Variants in KIF3B observed in about 807,000 individuals in gnomAD.
KIF3B encodes the protein kinesin-like protein KIF3B.
Under a neutral mutation model 74.3 loss-of-function variants are expected in KIF3B, and 38 were observed. That is an observed-to-expected ratio of 0.51 (90% CI 0.39 to 0.67). The LOEUF is 0.67. Among genes scored for constraint, KIF3B ranks in the 30% least tolerant of loss-of-function variants. The pLI is 0.00. For synonymous variants in KIF3B, 326 were observed against 342.5 expected (o/e 0.95, Z 0.53); for missense variants, 649 against 932.0 (o/e 0.70, Z 3.95).
intron 2 of KIF3B, among the ~76,000 whole-genome samples, chr20:32,312,338 C>T (rs989855679): frequency 8.6e-5 from 13 of 151,908 alleles, no homozygotes; most frequent in South Asian, 8.3e-4. Flanking sequence ...CTCCTGGGCT[C>T]GAATGATTCT....
rs1297714119 is a variant in KIF3B, at chr20:32,332,954, C to T, written c.*1635C>T. ...TCAGGAAGGTGGCGACTCAGGTGGG[C>T]CTTGAGTTATATTTTAACTCAGCTG... On this transcript the variant is annotated 3_prime_UTR_variant, in exon 9 of 9. Coordinates refer to ENST00000375712, the MANE Select transcript of KIF3B (RefSeq NM_004798.4). 3.0e-4 allele frequency: 46 copies of T among 152,526 alleles called. No homozygotes were observed. Among genetic ancestry groups the T allele is most frequent in the Non-Finnish European group, 2.9e-5 (2 of 68,020 alleles). 9.4% of individuals were successfully genotyped at this position (152,526 alleles called of 1,614,324 possible).
intron 5 of KIF3B, among the ~76,000 whole-genome samples, chr20:32,318,257 A>G (rs146293151): frequency 0.027 from 4,101 of 151,918 alleles, 184 homozygotes; most frequent in African/African-American, 0.094. Context: ...AGCTGAGATC[A>G]CACCACTTTA....
chr20:32,314,379 A>G (rs1425951108), intron 2 of KIF3B, among the ~76,000 whole-genome samples: 7 of 152,080 alleles, frequency 4.6e-5, no homozygotes, highest in Admixed American at 6.5e-5. Flanking sequence ...GTCTCTACTA[A>G]GAATACAAAA....
At position 32,327,487 on chromosome 20, in the gene KIF3B, G is replaced by A. The variant is rs2047909627; in HGVS notation, c.1863-69G>A. On this transcript the variant is annotated intron_variant, in intron 6 of 8. Coordinates refer to ENST00000375712, the MANE Select transcript of KIF3B (RefSeq NM_004798.4). The stretch of plus-strand genomic sequence containing the variant: ...CAGGGAGTTACTTGCTTCAGGTTCT[G>A]TCAGTGTCTTCCGAGTGCTGGTTCC... The A allele has an allele frequency of 3.9e-6, 5 of 1,287,290 alleles. No homozygotes were observed. In the South Asian group the frequency reaches 6.0e-5, roughly 15 times the overall value. The allele number at this position is 1,287,290 out of a possible 1,614,324, so 79.7% of individuals were successfully genotyped here.
rs534155657 is a variant in KIF3B at position 32,310,734 on chromosome 20, T to C, written c.957T>C (p.Pro319=). The C allele has an allele frequency of 5.0e-6, 8 of 1,614,154 alleles. No individual in the cohort carries two copies. In the East Asian group the frequency reaches 1.6e-4, roughly 31 times the overall value. Residue 319 remains proline, a synonymous_variant, in exon 2 of 9, where the codon CCT becomes CCC. Transcript: ENST00000375712. The surrounding 1 kb of genome is among the most constrained non-coding windows in gnomAD (Gnocchi z 6.5). ...CTGTGATGGTGGCCAACGTGGGGCC[T>C]GCCTCTTACAACGTAGAAGAGACTC... ...AKTVMVANVG[P]ASYNVEETLT...
intron 1 of KIF3B, among the ~76,000 whole-genome samples, chr20:32,299,403 A>ATATTTTTTT (rs1555895046): frequency 1.1e-4 from 1 of 9,026 alleles, no homozygotes; most frequent in African/African-American, 6.1e-4. Context: ...ATATATATAT[A>ATATTTTTTT]TTTTTTTTTT....
At chr20:32,288,786 T>C (rs890931814) in intron 1 of KIF3B, among the ~76,000 whole-genome samples, 3 of 151,888 alleles carry the variant, frequency 2.0e-5, no homozygotes, top group African/African-American at 7.3e-5. Flanking sequence ...TGATGTGCAC[T>C]GTATGAACTG....
chr20:32,304,266 T>C (rs1332986947), intron 1 of KIF3B, among the ~76,000 whole-genome samples: 2 of 152,190 alleles, frequency 1.3e-5, no homozygotes, highest in Non-Finnish European at 1.5e-5. Context: ...GTTGATGCTG[T>C]CTATTTATTA....
At chr20:32,326,148 A>G (rs1235367106) in intron 5 of KIF3B, among the ~76,000 whole-genome samples, 1 of 152,068 alleles carries the variant, frequency 6.6e-6, no homozygotes, top group Non-Finnish European at 1.5e-5. Flanking sequence ...CACCATAGAG[A>G]GACACCACCA....
chr20:32,295,540 G>A (rs1254649120), intron 1 of KIF3B, among the ~76,000 whole-genome samples: 2 of 152,002 alleles, frequency 1.3e-5, no homozygotes, highest in African/African-American at 2.4e-5. Context: ...TGATCCACCC[G>A]CCTCAGCCTC....
intron 1 of KIF3B, among the ~76,000 whole-genome samples, chr20:32,278,606 G>C (rs979035067): frequency 6.6e-6 from 1 of 152,132 alleles, no homozygotes; most frequent in African/African-American, 2.4e-5. Flanking sequence ...CTCAGAGCAA[G>C]GGAGGTACTT....
chr20:32,318,507 C>G (rs773485480), intron 5 of KIF3B, among the ~76,000 whole-genome samples: 5 of 152,144 alleles, frequency 3.3e-5, no homozygotes, highest in Non-Finnish European at 5.9e-5. Flanking sequence ...TGCTTCCTGT[C>G]TCTATGGCTT....
At position 32,334,341 on chromosome 20, in the gene KIF3B, A is replaced by G. The variant is rs1274344263; in HGVS notation, c.*3022A>G. On this transcript the variant is annotated 3_prime_UTR_variant, in exon 9 of 9. Coordinates refer to ENST00000375712, the MANE Select transcript of KIF3B (RefSeq NM_004798.4). ...GGATTATTTCCCGTCCAATGCCTGC[A>G]TGCTGCTTGAATTGCTCCACCCACA... is the stretch of plus-strand genomic sequence containing the variant. The G allele has an allele frequency of 6.5e-6, 1 of 152,744 alleles. No individual in the cohort carries two copies. The highest frequency in any genetic ancestry group is 3.4e-3 in the Middle Eastern group (1 of 294). 9.5% of individuals were successfully genotyped at this position (152,744 alleles called of 1,614,324 possible).
chr20:32,281,666 G>A (rs1055020009), intron 1 of KIF3B, among the ~76,000 whole-genome samples: 11 of 152,236 alleles, frequency 7.2e-5, no homozygotes, highest in African/African-American at 2.6e-4. Context: ...GCAGTAAGCC[G>A]AGGTTGCGCC....
rs1403071878 is a variant in KIF3B, at chr20:32,283,464, A to G, written c.-66+5699A>G. ...GGTTGCAGTGAGCTGAGATCGCACC[A>G]CTGCACTCCAGCCTGGGCGACAGAG... On this transcript the variant is annotated intron_variant, in intron 1 of 8. Transcript: ENST00000375712. Among the ~76,000 whole-genome samples, 4 of 151,284 alleles carry G rather than the reference A, an allele frequency of 2.6e-5. No individual in the cohort carries two copies. In the South Asian group the frequency reaches 6.3e-4, roughly 24 times the overall value.
At chr20:32,279,312 C>A (rs1423636208) in intron 1 of KIF3B, among the ~76,000 whole-genome samples, 1 of 152,102 alleles carries the variant, frequency 6.6e-6, no homozygotes, top group African/African-American at 2.4e-5. Flanking sequence ...ACTGTTGCCT[C>A]TGATTTTGCA....
intron 1 of KIF3B, among the ~76,000 whole-genome samples, chr20:32,283,928 T>A (rs760424654): frequency 1.3e-5 from 2 of 151,886 alleles, no homozygotes; most frequent in Non-Finnish European, 2.9e-5. Context: ...CCGCTAATTT[T>A]TTTAGAAAAC....
intron 5 of KIF3B, among the ~76,000 whole-genome samples, chr20:32,321,852 CA>C (rs918348118): frequency 3.3e-5 from 5 of 152,070 alleles, no homozygotes; most frequent in African/African-American, 7.2e-5. Flanking sequence ...TTTTTGTAGA[CA>C]AAATGGTATT....
intron 1 of KIF3B, among the ~76,000 whole-genome samples, chr20:32,305,316 A>G (rs919139925): frequency 1.3e-5 from 2 of 152,002 alleles, no homozygotes; most frequent in Admixed American, 1.3e-4. Context: ...GTGAGCTGTC[A>G]TCACGCCACT....
Sources: allele counts gnomAD v4.1 joint callset (sites outside exome capture counted in the v4.1 genomes callset), GRCh38; gene constraint gnomAD v4.1.1; non-coding constraint Gnocchi (gnomAD v3.1); transcripts MANE v1.5; gene names NCBI Gene and HGNC (gene_info 2026-07-23, HGNC 2026-07-21).